The following PPP2R2D variants were observed in gnomAD, a reference collection of about 807,000 sequenced individuals.
The protein encoded by PPP2R2D is serine/threonine-protein phosphatase 2A 55 kDa regulatory subunit B delta isoform.
PPP2R2D carries 9 observed loss-of-function variants against 31.1 expected under a neutral mutation model. That is an observed-to-expected ratio of 0.29 (90% CI 0.17 to 0.51). The LOEUF (loss-of-function observed/expected upper bound fraction) is 0.51, where lower values mean the gene tolerates loss of function less well. PPP2R2D is among the 20% of genes least tolerant of loss of function. The probability of loss-of-function intolerance (pLI) is 0.98; values close to 1 mark genes in which losing one functional copy is unlikely to be tolerated. For synonymous variants in PPP2R2D, 179 were observed against 172.6 expected, an observed-to-expected ratio of 1.04 and a Z score of -0.29; for missense variants, 391 against 465.6, an observed-to-expected ratio of 0.84 and a Z score of 1.48.
At chr10:131,948,052 G>A (rs2036574011) in intron 8 of PPP2R2D, among the ~76,000 whole-genome samples, 1 of 152,240 alleles carries the variant, frequency 6.6e-6, no homozygotes, top group Non-Finnish European at 1.5e-5. Context: ...TGTGTTAAAT[G>A]CTTAGTGAAT....
chr10:131,931,518 T>C (rs2036227185), intron 2 of PPP2R2D, among the ~76,000 whole-genome samples: 1 of 152,172 alleles, frequency 6.6e-6, no homozygotes, highest in Non-Finnish European at 1.5e-5. Context: ...TAGCTGATTT[T>C]TGTATTTTTA....
At chr10:131,934,848 G>A in intron 3 of PPP2R2D, 2 of 487,922 alleles carry the variant, frequency 4.1e-6, no homozygotes, top group South Asian at 3.1e-5. Context: ...CATTCCATAA[G>A]AACTCACGCG....
intron 2 of PPP2R2D, among the ~76,000 whole-genome samples, chr10:131,930,066 A>G (rs1436070652): frequency 6.6e-6 from 1 of 152,218 alleles, no homozygotes; most frequent in Non-Finnish European, 1.5e-5. Context: ...AGGTTGAAAG[A>G]GATCTATTGC....
intron 2 of PPP2R2D, among the ~76,000 whole-genome samples, chr10:131,932,623 C>T (rs1383257180): frequency 7.5e-5 from 10 of 133,928 alleles, no homozygotes; most frequent in African/African-American, 2.3e-4. Flanking sequence ...GCCAAGATCG[C>T]GCCACTGTAC....
intron 5 of PPP2R2D, among the ~76,000 whole-genome samples, chr10:131,943,461 C>T (rs1554897470): frequency 6.6e-6 from 1 of 152,192 alleles, no homozygotes; most frequent in African/African-American, 2.4e-5. Flanking sequence ...GGAATATCCT[C>T]AGCTCCCCAG....
At position 131,956,020 on chromosome 10, in the gene PPP2R2D, G is replaced by A; in HGVS notation, c.*57G>A. The A allele has an allele frequency of 7.3e-7, 1 of 1,377,728 alleles. No homozygotes were observed. Among genetic ancestry groups the A allele is most frequent in the Non-Finnish European group, 9.5e-7 (1 of 1,056,174 alleles). 85.3% of individuals were successfully genotyped at this position (1,377,728 alleles called of 1,614,324 possible). Reference sequence around the variant, plus strand: ...GCATAGTTAAGCCGGACATTTTTCTGTCAGAGAAAAGGCATCATTGTCCGC... The same window carrying A: ...GCATAGTTAAGCCGGACATTTTTCTATCAGAGAAAAGGCATCATTGTCCGC... On this transcript the variant is annotated 3_prime_UTR_variant, in exon 9 of 9. Transcript: ENST00000455566.
rs200238305 is a variant in PPP2R2D, at chr10:131,920,451, AC to A, written c.101-14006del. Among the ~76,000 whole-genome samples, 809 of 152,354 alleles carry A rather than the reference AC, an allele frequency of 5.3e-3. 1 individual carries two copies. The highest frequency in any genetic ancestry group is 0.015 in the South Asian group (71 of 4,834). On this transcript the variant is annotated intron_variant, in intron 2 of 8. Coordinates refer to ENST00000455566, the MANE Select transcript of PPP2R2D (RefSeq NM_018461.5). ...ATGACACAGTGTTTGTGGGGACCTC[AC>A]GTGGGTGGAAGGACATAATGACATA...
intron 2 of PPP2R2D, 89 bp from the exon 3 acceptor site, chr10:131,934,369 G>A (rs1196357862): frequency 7.3e-6 from 5 of 685,964 alleles, no homozygotes; most frequent in African/African-American, 5.4e-5. Context: ...TATGTTTATC[G>A]TCCTTTTGCT....
At chr10:131,921,108 A>G (rs563629687) in intron 2 of PPP2R2D, among the ~76,000 whole-genome samples, 1 of 152,322 alleles carries the variant, frequency 6.6e-6, no homozygotes, top group South Asian at 2.1e-4. Flanking sequence ...TCCCCTTTTG[A>G]TACCAGCTCT....
rs1464353469 is a variant in PPP2R2D, at chr10:131,959,128, C to T, written c.*3165C>T. 8.1e-6 allele frequency: 1 copy of T among 123,518 alleles called. No homozygotes were observed. Among genetic ancestry groups the T allele is most frequent in the Non-Finnish European group, 1.6e-5 (1 of 63,876 alleles). 7.7% of individuals were successfully genotyped at this position (123,518 alleles called of 1,614,324 possible). ...TGGAGATGAAGGTGTGTGCTGATCC[C>T]CCATCCCCCTGTGGAGATGAAGGTG... is the stretch of plus-strand genomic sequence containing the variant. On this transcript the variant is annotated 3_prime_UTR_variant, in exon 9 of 9. Transcript: ENST00000455566.
At position 131,935,635 on chromosome 10, in the gene PPP2R2D, T is replaced by A. The variant is rs187123150; in HGVS notation, c.198+1080T>A. Among the ~76,000 whole-genome samples, 596 of 152,368 alleles carry A rather than the reference T, an allele frequency of 3.9e-3. 3 individuals carry two copies. Among genetic ancestry groups the A allele is most frequent in the Non-Finnish European group, 6.0e-3 (408 of 68,044 alleles). On this transcript the variant is annotated intron_variant, in intron 3 of 8. Transcript: ENST00000455566. Reference sequence around the variant, plus strand: ...TAGTTAAAGATTTTTTTAAATCCTGTTTTCTCTGATTTGGGATGGTAAGAA... The same window carrying A: ...TAGTTAAAGATTTTTTTAAATCCTGATTTCTCTGATTTGGGATGGTAAGAA...
intron 2 of PPP2R2D, 106 bp downstream of exon 2, chr10:131,901,436 T>TGGGGGCCGGGCGGGGC (rs2076146818): frequency 3.2e-6 from 1 of 317,226 alleles, no homozygotes; most frequent in Non-Finnish European, 5.7e-6. Flanking sequence ...GGCAGGAGGA[T>TGGGGGCCGGGCGGGGC]GGGGGCCGGG....
intron 2 of PPP2R2D, among the ~76,000 whole-genome samples, chr10:131,908,295 G>A (rs1449413501): frequency 6.6e-5 from 10 of 152,130 alleles, no homozygotes; most frequent in African/African-American, 2.4e-4. Flanking sequence ...TTTGCCTAGA[G>A]TATTTATTTT....
chr10:131,962,220 G>A (rs1159167171), downstream of PPP2R2D, among the ~76,000 whole-genome samples: 2 of 152,194 alleles, frequency 1.3e-5, no homozygotes, highest in Non-Finnish European at 2.9e-5. Flanking sequence ...CAGGATCCCC[G>A]ACAGTGGAAT....
At position 131,917,514 on chromosome 10, in the gene PPP2R2D, CAG is replaced by C. The variant is rs1342453480; in HGVS notation, c.100+16185_100+16186del. Among the ~76,000 whole-genome samples, 8 of 110,836 alleles carry C rather than the reference CAG, an allele frequency of 7.2e-5. No homozygotes were observed. In the East Asian group the frequency reaches 2.8e-3, roughly 39 times the overall value. The allele number at this position is 110,836 out of a possible 152,430, so 72.7% of individuals were successfully genotyped here. A position where few individuals can be genotyped will look rare whatever the true frequency, so the allele number is the denominator to read the frequency against. ...GGGACCTCACACGGATGGAATGACA[CAG>C]TGTTTGTAGGGACCTCAGGCGGGTG... On this transcript the variant is annotated intron_variant, in intron 2 of 8. Transcript: ENST00000455566.
chr10:131,919,925 A>G (rs1367222953), intron 2 of PPP2R2D, among the ~76,000 whole-genome samples: 10 of 148,300 alleles, frequency 6.7e-5, no homozygotes, highest in Non-Finnish European at 1.5e-4. Flanking sequence ...GTGGAATGAC[A>G]CAGTGTTTGT....
Position 131,956,604 on chromosome 10 carries a change from GTTC to G in PPP2R2D, c.*647_*649del, listed in dbSNP as rs2120056472. Reference sequence around the variant, plus strand: ...ATTGCATAGAATGAAGTTATGCAGGGTTCTTCTTTGGAACTAACTGTTTGAGAA... The same window carrying G: ...ATTGCATAGAATGAAGTTATGCAGGGTTCTTTGGAACTAACTGTTTGAGAA... On this transcript the variant is annotated 3_prime_UTR_variant, in exon 9 of 9. Transcript: ENST00000455566. 1.0e-6 allele frequency: 1 copy of G among 963,832 alleles called. No homozygotes were observed. Among genetic ancestry groups the G allele is most frequent in the African/African-American group, 1.8e-5 (1 of 56,934 alleles). The allele number at this position is 963,832 out of a possible 1,614,324, so 59.7% of individuals were successfully genotyped here. A position where few individuals can be genotyped will look rare whatever the true frequency, so the allele number is the denominator to read the frequency against.
At position 131,945,307 on chromosome 10, in the gene PPP2R2D, T is replaced by C; in HGVS notation, c.668T>C (p.Ile223Thr). The C allele has an allele frequency of 6.2e-7, 1 of 1,613,726 alleles. No individual in the cohort carries two copies. Among genetic ancestry groups the C allele is most frequent in the Non-Finnish European group, 8.5e-7 (1 of 1,179,762 alleles). Reference protein sequence around the residue: ...ITDRSFNIVDIKPANMEELTE... With the variant: ...ITDRSFNIVDTKPANMEELTE... ...CATGCACTCCCAGACATCGTGGACATCAAGCCTGCTAACATGGAGGAGCTG... is the reference window on the plus strand; with the variant it reads ...CATGCACTCCCAGACATCGTGGACACCAAGCCTGCTAACATGGAGGAGCTG... Residue 223 changes from isoleucine to threonine, a missense_variant, in exon 7 of 9, where the codon ATC becomes ACC. Around this residue, in one of 3 missense-constraint regions of PPP2R2D, gnomAD observed 123 missense variants for 187.7 expected, o/e 0.66. Coordinates refer to ENST00000455566, the MANE Select transcript of PPP2R2D (RefSeq NM_018461.5). This position sits in a 1 kb window ranked among gnomAD's most constrained non-coding sequence, Gnocchi z 4.8.
chr10:131,965,589 G>C, the PPP2R2D span, among the ~76,000 whole-genome samples: 1 of 152,290 alleles, frequency 6.6e-6, no homozygotes, highest in South Asian at 2.1e-4. Flanking sequence ...TGGGACTACA[G>C]GTACGCCACC....
Sources: allele counts gnomAD v4.1 joint callset (sites outside exome capture counted in the v4.1 genomes callset), GRCh38; gene constraint gnomAD v4.1.1; regional missense constraint gnomAD v4.1.1; non-coding constraint Gnocchi (gnomAD v3.1); transcripts MANE v1.5; gene names NCBI Gene and HGNC (gene_info 2026-07-23, HGNC 2026-07-21).